The following TAFA1 variants were observed in gnomAD, a reference collection of about 807,000 sequenced individuals.
The protein encoded by TAFA1 is TAFA chemokine like family member 1, also known as chemokine-like protein TAFA-1.
Under a neutral mutation model 18.5 loss-of-function variants are expected in TAFA1, and 4 were observed. The ratio of observed to expected loss-of-function variants is 0.22; its 90% CI spans 0.11 to 0.49. The LOEUF is 0.49. Ranked by LOEUF, TAFA1 falls within the 20% of genes least tolerant of loss-of-function variation. The pLI is 0.98. For synonymous variants in TAFA1, 56 were observed against 55.2 expected (o/e 1.01, Z -0.06); for missense variants, 147 against 169.0 (o/e 0.87, Z 0.72).
intron 2 of TAFA1, among the ~76,000 whole-genome samples, chr3:68,077,809 T>C (rs1004885630): frequency 5.5e-4 from 84 of 152,072 alleles, no homozygotes; most frequent in African/African-American, 2.0e-3. Flanking sequence ...TTTGGTTCCA[T>C]ATGAACTTTA....
intron 2 of TAFA1, among the ~76,000 whole-genome samples, chr3:68,158,449 T>G (rs1357754088): frequency 6.6e-6 from 1 of 151,966 alleles, no homozygotes; most frequent in East Asian, 1.9e-4. Flanking sequence ...GATATACATT[T>G]CTCTTTATTG....
chr3:68,267,902 G>C (rs894256909), intron 2 of TAFA1, among the ~76,000 whole-genome samples: 1 of 152,146 alleles, frequency 6.6e-6, no homozygotes, highest in African/African-American at 2.4e-5. Context: ...ACAATTGTCA[G>C]ATAATTTTAA....
chr3:68,112,105 G>T (rs370333175), intron 2 of TAFA1, among the ~76,000 whole-genome samples: 1 of 144,284 alleles, frequency 6.9e-6, no homozygotes, highest in African/African-American at 2.5e-5. Context: ...AAAAAAAAAT[G>T]CTATACTCAT....
chr3:68,104,352 T>A (rs1225907625), intron 2 of TAFA1, among the ~76,000 whole-genome samples: 3 of 152,108 alleles, frequency 2.0e-5, no homozygotes, highest in Non-Finnish European at 4.4e-5. Context: ...ATATAAATTT[T>A]AAATGTGGAA....
chr3:68,191,689 C>CT (rs1012565677), intron 2 of TAFA1, among the ~76,000 whole-genome samples: 1 of 151,640 alleles, frequency 6.6e-6, no homozygotes, highest in Non-Finnish European at 1.5e-5. Flanking sequence ...GGAGATAAGA[C>CT]TTTTTTAAAA....
At chr3:68,127,546 C>T (rs2065478340) in intron 2 of TAFA1, among the ~76,000 whole-genome samples, 1 of 24,734 alleles carries the variant, frequency 4.0e-5, no homozygotes, top group Admixed American at 5.0e-4. Flanking sequence ...CTGTTGTGGA[C>T]AAAGGTGACA....
intron 3 of TAFA1, among the ~76,000 whole-genome samples, chr3:68,504,986 A>C (rs2072722438): frequency 6.6e-6 from 1 of 152,132 alleles, no homozygotes; most frequent in Admixed American, 6.5e-5. Flanking sequence ...GTAAGAACAG[A>C]GTGTGTCTTG....
At chr3:68,084,658 C>T (rs1354993449) in intron 2 of TAFA1, among the ~76,000 whole-genome samples, 1 of 152,062 alleles carries the variant, frequency 6.6e-6, no homozygotes, top group South Asian at 2.1e-4. Context: ...ATTAGCTGGG[C>T]GCGGTGGCAG....
At chr3:68,327,656 G>T (rs2068798748) in intron 2 of TAFA1, among the ~76,000 whole-genome samples, 1 of 152,202 alleles carries the variant, frequency 6.6e-6, no homozygotes, top group Non-Finnish European at 1.5e-5. Context: ...TCAGTGCTGG[G>T]CACAAAGTGA....
intron 3 of TAFA1, among the ~76,000 whole-genome samples, chr3:68,529,500 A>G (rs1393124155): frequency 1.4e-5 from 2 of 147,828 alleles, no homozygotes; most frequent in African/African-American, 2.5e-5. Flanking sequence ...GAACTTCCAT[A>G]GTCTTATTAA....
intron 2 of TAFA1, among the ~76,000 whole-genome samples, chr3:68,031,116 T>C (rs917257504): frequency 6.6e-6 from 1 of 152,200 alleles, no homozygotes; most frequent in African/African-American, 2.4e-5. Context: ...GCAGTTCTTA[T>C]TCAGAATCAA....
intron 3 of TAFA1, among the ~76,000 whole-genome samples, chr3:68,493,960 G>T (rs927102346): frequency 1.3e-5 from 2 of 152,118 alleles, no homozygotes; most frequent in Non-Finnish European, 1.5e-5. Context: ...AGTTTATTCA[G>T]TCTCTGATCT....
intron 3 of TAFA1, among the ~76,000 whole-genome samples, chr3:68,502,278 G>A (rs550651971): frequency 3.3e-5 from 5 of 151,794 alleles, no homozygotes; most frequent in Middle Eastern, 3.2e-3. Flanking sequence ...TTACAGATAA[G>A]GTTTATAATT....
At chr3:68,321,401 G>A (rs79364742) in intron 2 of TAFA1, among the ~76,000 whole-genome samples, 2 of 152,112 alleles carry the variant, frequency 1.3e-5, no homozygotes, top group Non-Finnish European at 2.9e-5. Context: ...CTCCTCTGGG[G>A]TGTCTTTAAT....
intron 3 of TAFA1, among the ~76,000 whole-genome samples, chr3:68,531,861 C>A (rs13434171): frequency 0.22 from 32,926 of 152,024 alleles, 4,141 homozygotes; most frequent in South Asian, 0.38. Flanking sequence ...ACCTAACTAC[C>A]TGCTCTAACA....
chr3:68,537,832 C>T (rs1011379140), intron 3 of TAFA1, among the ~76,000 whole-genome samples: 1 of 152,196 alleles, frequency 6.6e-6, no homozygotes, highest in Non-Finnish European at 1.5e-5. Context: ...CCTGTGGGTT[C>T]TTCCTGTCCA....
chr3:68,110,282 C>T (rs2106834917), intron 2 of TAFA1, among the ~76,000 whole-genome samples: 1 of 152,308 alleles, frequency 6.6e-6, no homozygotes, highest in South Asian at 2.1e-4. Context: ...CCAGCTCCTT[C>T]CATGTCTCTG....
At chr3:68,008,679 T>G (rs1420677010) in intron 2 of TAFA1, among the ~76,000 whole-genome samples, 1 of 152,162 alleles carries the variant, frequency 6.6e-6, no homozygotes, top group Non-Finnish European at 1.5e-5. Flanking sequence ...ATAGCTTCTT[T>G]GAGGAAGTGT....
intron 2 of TAFA1, among the ~76,000 whole-genome samples, chr3:68,226,611 T>A (rs1354742832): frequency 6.6e-6 from 1 of 152,160 alleles, no homozygotes; most frequent in Non-Finnish European, 1.5e-5. Flanking sequence ...TTGCTTGCCC[T>A]CCTCTTCTTC....
Sources: allele counts gnomAD v4.1 joint callset (sites outside exome capture counted in the v4.1 genomes callset), GRCh38; gene constraint gnomAD v4.1.1; transcripts MANE v1.5; gene names NCBI Gene and HGNC (gene_info 2026-07-23, HGNC 2026-07-21).